Variants in INPP4B observed in about 807,000 individuals in gnomAD.
INPP4B encodes the protein inositol polyphosphate-4-phosphatase type II B, also known as inositol polyphosphate 4-phosphatase type II.
In INPP4B, 55 loss-of-function variants were observed where a neutral mutation model predicts 122.5. That is an observed-to-expected ratio of 0.45 (90% CI 0.36 to 0.56). INPP4B has a LOEUF of 0.56. INPP4B is among the 20% of genes least tolerant of loss of function. The pLI is 0.00. For missense variants in INPP4B, 1,000 were observed against 1,097.7 expected (o/e 0.91, Z 1.26); for synonymous variants, 403 against 388.7 (o/e 1.04, Z -0.43).
At chr4:142,238,933 A>G (rs1857891296) in intron 11 of INPP4B, among the ~76,000 whole-genome samples, 1 of 152,114 alleles carries the variant, frequency 6.6e-6, no homozygotes. Flanking sequence ...GTCAGTCACC[A>G]GTCAAGAATC....
At chr4:142,438,752 G>T (rs1811075961) in intron 3 of INPP4B, among the ~76,000 whole-genome samples, 1 of 151,948 alleles carries the variant, frequency 6.6e-6, no homozygotes, top group Admixed American at 6.6e-5. Context: ...ACTATAATCA[G>T]AGAGAATAGG....
At chr4:142,626,392 C>A (rs1560885174) in intron 2 of INPP4B, among the ~76,000 whole-genome samples, 1 of 151,874 alleles carries the variant, frequency 6.6e-6, no homozygotes, top group African/African-American at 2.4e-5. Context: ...AGAGATTCTC[C>A]AATGTTGGCT....
chr4:142,795,239 G>T (rs1777075041), intron 1 of INPP4B: 1 of 151,836 alleles, frequency 6.6e-6, no homozygotes, highest in South Asian at 2.1e-4. Context: ...ATATTCTTTA[G>T]GATAAAGAAA....
At chr4:142,647,528 G>C (rs1289336299) in intron 2 of INPP4B, among the ~76,000 whole-genome samples, 2 of 152,138 alleles carry the variant, frequency 1.3e-5, no homozygotes, top group Non-Finnish European at 2.9e-5. Flanking sequence ...GGTGCCTAAC[G>C]CCTGCCCAAT....
At chr4:142,381,946 T>C (rs2148862949) in intron 7 of INPP4B, among the ~76,000 whole-genome samples, 1 of 152,248 alleles carries the variant, frequency 6.6e-6, no homozygotes, top group African/African-American at 2.4e-5. Context: ...TGTAGTTTTA[T>C]GTTATGTTTC....
chr4:142,082,080 G>A lies in INPP4B; in HGVS notation c.2593C>T (p.His865Tyr). The A allele has an allele frequency of 6.7e-7, 1 of 1,490,824 alleles. No homozygotes were observed. Among genetic ancestry groups the A allele is most frequent in the Non-Finnish European group, 9.1e-7 (1 of 1,096,052 alleles). The allele number at this position is 1,490,824 out of a possible 1,614,324, so 92.3% of individuals were successfully genotyped here. ...ATAAAGAAGTCCTTGTGTAACTGGT[G>A]CTCATCTCTCAAGATTGAGCATTGT... ...LEQCSILRDE[H>Y]QLHKDFFIRA... Residue 865 changes from histidine (H) to tyrosine (Y), a missense_variant, in exon 25 of 26, where the codon CAC becomes TAC. By Grantham distance (83) the His-to-Tyr change is moderately conservative (BLOSUM62 2). Transcript: ENST00000262992.
chr4:142,203,087 G>A (rs555775213), intron 14 of INPP4B, among the ~76,000 whole-genome samples: 49 of 152,100 alleles, frequency 3.2e-4, no homozygotes, highest in Non-Finnish European at 6.8e-4. Context: ...CAGCTTGGGT[G>A]AAGTGATCAC....
rs1796796808 is a variant in INPP4B, at chr4:142,122,118, C to G, written c.2135+10G>C. 1.3e-6 allele frequency: 2 copies of G among 1,547,564 alleles called. No individual in the cohort carries two copies. Among genetic ancestry groups the G allele is most frequent in the Non-Finnish European group, 1.8e-6 (2 of 1,122,796 alleles). On this transcript the variant is annotated intron_variant, in intron 21 of 25. Transcript: ENST00000262992. ...CAAAGCCTGGTCTTCAGGAAGTGAG[C>G]ACTGCTTACCGTCTTCCTGTTATAA...
At chr4:142,121,196 C>T (rs902049822) in intron 21 of INPP4B, among the ~76,000 whole-genome samples, 2 of 151,526 alleles carry the variant, frequency 1.3e-5, no homozygotes, top group African/African-American at 2.4e-5. Flanking sequence ...AGCATTAATT[C>T]TAGGTAAATA....
intron 1 of INPP4B, among the ~76,000 whole-genome samples, chr4:142,741,930 TA>T (rs914347626): frequency 2.5e-4 from 38 of 151,964 alleles, no homozygotes; most frequent in Admixed American, 1.4e-3. Flanking sequence ...GAGACAATAC[TA>T]AAAAAAGAAG....
chr4:142,215,352 A>T (rs373218622), intron 12 of INPP4B, among the ~76,000 whole-genome samples: 7 of 152,196 alleles, frequency 4.6e-5, no homozygotes, highest in East Asian at 3.8e-4. Context: ...GTACTTAATG[A>T]ATGTAGGTTG....
intron 11 of INPP4B, among the ~76,000 whole-genome samples, chr4:142,253,770 G>T (rs948430404): frequency 2.0e-5 from 3 of 152,222 alleles, no homozygotes; most frequent in Non-Finnish European, 4.4e-5. Flanking sequence ...TGGCAGTGAG[G>T]CTGGGGGAGG....
chr4:142,038,858 A>G (rs1276917243), intron 25 of INPP4B, among the ~76,000 whole-genome samples: 1 of 151,964 alleles, frequency 6.6e-6, no homozygotes, highest in South Asian at 2.1e-4. Context: ...CTTTTTAGAT[A>G]TTTTTTTTCA....
chr4:142,255,010 C>T (rs1734917749), intron 11 of INPP4B, among the ~76,000 whole-genome samples: 1 of 152,170 alleles, frequency 6.6e-6, no homozygotes, highest in Non-Finnish European at 1.5e-5. Context: ...GCTCTCTCGG[C>T]AGAAACTCTA....
intron 5 of INPP4B, among the ~76,000 whole-genome samples, chr4:142,411,746 G>A (rs983764441): frequency 6.6e-6 from 1 of 152,100 alleles, no homozygotes; most frequent in East Asian, 1.9e-4. Context: ...ACAAAAATTA[G>A]CTGGGCATGG....
At chr4:142,762,150 A>G (rs17016755) in intron 1 of INPP4B, among the ~76,000 whole-genome samples, 13,680 of 152,042 alleles carry the variant, frequency 0.09, 765 homozygotes, top group African/African-American at 0.16. Context: ...TGCACTCTAC[A>G]CACTCTACAT....
At position 142,715,197 on chromosome 4, in the gene INPP4B, C is replaced by T. The variant is rs188709192; in HGVS notation, c.-191+10642G>A. ...GTATTTAAAGGATTTAGCCTTGGGC[C>T]ACATGTGTGATTTGCAAATTGGAGC... On this transcript the variant is annotated intron_variant, in intron 2 of 25. Coordinates refer to ENST00000262992, the MANE Select transcript of INPP4B (RefSeq NM_001101669.3). Among the ~76,000 whole-genome samples the T allele has an allele frequency of 4.6e-4, 70 of 152,196 alleles. 1 individual carries two copies. The highest frequency in any genetic ancestry group is 7.4e-4 in the Non-Finnish European group (50 of 68,008).
At chr4:142,417,999 T>C (rs1290357887) in intron 5 of INPP4B, among the ~76,000 whole-genome samples, 1 of 152,152 alleles carries the variant, frequency 6.6e-6, no homozygotes, top group Non-Finnish European at 1.5e-5. Context: ...TGTCATAACA[T>C]AGGAATCTTC....
chr4:142,600,960 T>A (rs1739762184), intron 2 of INPP4B, among the ~76,000 whole-genome samples: 1 of 152,046 alleles, frequency 6.6e-6, no homozygotes, highest in Non-Finnish European at 1.5e-5. Context: ...GGGCATTATA[T>A]AATAATAAAG....
Sources: allele counts gnomAD v4.1 joint callset (sites outside exome capture counted in the v4.1 genomes callset), GRCh38; gene constraint gnomAD v4.1.1; transcripts MANE v1.5; gene names NCBI Gene and HGNC (gene_info 2026-07-23, HGNC 2026-07-21).